The following MYCBPAP variants were observed in gnomAD, a reference collection of about 807,000 sequenced individuals.
MYCBPAP encodes MYCBP-associated protein.
Under a neutral mutation model 106.1 loss-of-function variants are expected in MYCBPAP, and 60 were observed. The ratio of observed to expected loss-of-function variants is 0.57; its 90% confidence interval spans 0.46 to 0.70. The LOEUF (loss-of-function observed/expected upper bound fraction) is 0.70. Ranked by LOEUF, MYCBPAP falls within the 30% of genes least tolerant of loss-of-function variation. MYCBPAP has a pLI of 0.00. For synonymous variants in MYCBPAP, 407 were observed against 440.6 expected (o/e 0.92, Z 0.95); for missense variants, 1,064 against 1,169.3 (o/e 0.91, Z 1.31).
intron 12 of MYCBPAP, 81 bp downstream of exon 12, chr17:50,523,865 A>G: frequency 7.3e-7 from 1 of 1,360,604 alleles, no homozygotes; most frequent in Non-Finnish European, 1.0e-6. Flanking sequence ...TGAAGGGATC[A>G]TATTTCTCCC....
chr17:50,528,858 C>T lies in MYCBPAP; in HGVS notation c.2553+18C>T. The T allele has an allele frequency of 6.2e-7, 1 of 1,610,438 alleles. No homozygotes were observed. Among genetic ancestry groups the T allele is most frequent in the Non-Finnish European group, 8.5e-7 (1 of 1,179,198 alleles). On this transcript the variant is annotated intron_variant, in intron 17 of 18. Coordinates refer to ENST00000323776, the MANE Select transcript of MYCBPAP (RefSeq NM_032133.6). ...GGAAAGAGGCATGCTGGGGCGTGGT[C>T]TGGGCCAGGTGGGGCTGGGGAGGGG...
At chr17:50,513,783 A>T (rs1271122443) in intron 1 of MYCBPAP, among the ~76,000 whole-genome samples, 1 of 152,218 alleles carries the variant, frequency 6.6e-6, no homozygotes, top group Non-Finnish European at 1.5e-5. Flanking sequence ...ACAAAAACAG[A>T]CCTTCAGCTG....
chr17:50,527,860 G>A (rs771946071), intron 15 of MYCBPAP, among the ~76,000 whole-genome samples: 2 of 152,190 alleles, frequency 1.3e-5, no homozygotes, highest in African/African-American at 2.4e-5. Flanking sequence ...CCTCCAGTGC[G>A]ACTGGACCCA....
At chr17:50,519,881 G>C (rs2143946191) in intron 7 of MYCBPAP, 94 bp downstream of exon 7, 1 of 1,382,568 alleles carries the variant, frequency 7.2e-7, no homozygotes, top group East Asian at 2.5e-5. Context: ...CAGTGAAACA[G>C]GCCCAGGGCC....
At chr17:50,530,733 T>C (rs528628556) in intron 18 of MYCBPAP, among the ~76,000 whole-genome samples, 28 of 151,868 alleles carry the variant, frequency 1.8e-4, no homozygotes, top group African/African-American at 1.7e-4. Context: ...GGAAGGAAAA[T>C]TGGCCTCCAG....
chr17:50,519,198 G>GA (rs1391067506), intron 6 of MYCBPAP, 109 bp downstream of exon 6: 5 of 731,550 alleles, frequency 6.8e-6, no homozygotes, highest in East Asian at 2.7e-5. Flanking sequence ...CAGCTGGGGA[G>GA]AAAAAACCTA....
At chr17:50,529,239 C>T in intron 18 of MYCBPAP, 51 bp downstream of exon 18, 3 of 1,542,540 alleles carry the variant, frequency 1.9e-6, no homozygotes, top group South Asian at 1.2e-5. Context: ...CTGCCTTATT[C>T]ATTCCGTTCA....
At chr17:50,525,226 G>A in intron 13 of MYCBPAP, 1 of 570,332 alleles carries the variant, frequency 1.8e-6, no homozygotes, top group African/African-American at 1.9e-5. Context: ...GATGGAAATT[G>A]TACACTCCTT....
rs200682370 is a variant in MYCBPAP at position 50,518,749 on chromosome 17, G to T, written c.652+25G>T. ...GGTGAGCAGAGCAGACAGGGCTCCC[G>T]CCCGGCCTCCATCTGGCAGCAAGGC... is the stretch of plus-strand genomic sequence containing the variant. On this transcript the variant is annotated intron_variant, in intron 5 of 18. Coordinates refer to ENST00000323776, the MANE Select transcript of MYCBPAP (RefSeq NM_032133.6). The T allele has an allele frequency of 1.7e-5, 27 of 1,553,698 alleles. No homozygotes were observed. In the South Asian group the frequency reaches 2.5e-4, roughly 14 times the overall value.
rs2034447490 is a variant in MYCBPAP, at chr17:50,526,062, C to T, written c.1964C>T (p.Thr655Ile). ...LPRFRSPISETQVPRPENEAL... is the reference protein window; with the variant it reads ...LPRFRSPISEIQVPRPENEAL... ...CGCTTTAGGAGCCCCATCTCCGAAA[C>T]TCAAGTGCCCCGGCCTGAGAACGAG... Residue 655 changes from threonine (T) to isoleucine (I), a missense_variant, in exon 14 of 19, where the codon ACT becomes ATT. Transcript: ENST00000323776. The T allele has an allele frequency of 6.2e-7, 1 of 1,613,832 alleles. No homozygotes were observed. The highest frequency in any genetic ancestry group is 1.3e-5 in the African/African-American group (1 of 74,920).
At position 50,524,916 on chromosome 17, in the gene MYCBPAP, G is replaced by A. The variant is rs147290915; in HGVS notation, c.1675G>A (p.Glu559Lys). The change falls in exon 13 of 19, where the codon GAA (glutamate) becomes AAA (lysine). Residue 559 changes from glutamate to lysine, a missense_variant. Physicochemically the swap from Glu to Lys is moderately conservative, Grantham distance 56. Transcript: ENST00000323776. ...CCATGAGGCAGTCACCGTCGTTCGCGAAGTGCTGCAGGAGCTGCTGATGGG... is the reference window on the plus strand; with the variant it reads ...CCATGAGGCAGTCACCGTCGTTCGCAAAGTGCTGCAGGAGCTGCTGATGGG... ...TAHEAVTVVR[E>K]VLQELLMGVL... 1.1e-5 allele frequency: 17 copies of A among 1,613,940 alleles called. 1 individual carries two copies. Among genetic ancestry groups the A allele is most frequent in the South Asian group, 8.8e-5 (8 of 91,092 alleles).
intron 6 of MYCBPAP, 148 bp downstream of exon 6, chr17:50,519,237 A>G (rs2034168815): frequency 1.6e-6 from 1 of 623,008 alleles, no homozygotes; most frequent in Non-Finnish European, 2.9e-6. Flanking sequence ...TAGGCCCTCA[A>G]GGCCTTTACT....
intron 15 of MYCBPAP, 46 bp downstream of exon 15, chr17:50,527,454 G>T (rs765499958): frequency 6.2e-7 from 1 of 1,609,278 alleles, no homozygotes; most frequent in Non-Finnish European, 8.5e-7. Flanking sequence ...TCCCTTTGTG[G>T]CATCTGCAGG....
intron 18 of MYCBPAP, among the ~76,000 whole-genome samples, chr17:50,531,094 G>A (rs948515959): frequency 6.0e-5 from 9 of 151,232 alleles, no homozygotes; most frequent in Non-Finnish European, 1.0e-4. Flanking sequence ...CAAGGCTGCA[G>A]TGAGCCATGA....
chr17:50,525,624 C>T (rs1158602961), intron 13 of MYCBPAP, among the ~76,000 whole-genome samples: 3 of 149,244 alleles, frequency 2.0e-5, no homozygotes, highest in Non-Finnish European at 3.0e-5. Flanking sequence ...GTAGCTAGGA[C>T]TACAGGCATA....
At position 50,522,182 on chromosome 17, in the gene MYCBPAP, G is replaced by A. The variant is rs531857680; in HGVS notation, c.1257+101G>A. On this transcript the variant is annotated intron_variant, in intron 10 of 18. Transcript: ENST00000323776. Reference sequence around the variant, plus strand: ...GCAGCCTGCACAGTCTCCTGTTTGGGTTTTTATCTGGTCGTGCATTCAGCA... The same window carrying A: ...GCAGCCTGCACAGTCTCCTGTTTGGATTTTTATCTGGTCGTGCATTCAGCA... 1.4e-4 allele frequency: 122 copies of A among 879,038 alleles called. No individual in the cohort carries two copies. In the African/African-American group the frequency reaches 1.9e-3, roughly 13 times the overall value. 54.5% of individuals were successfully genotyped at this position (879,038 alleles called of 1,614,324 possible).
In MYCBPAP at chr17:50,522,030, G is replaced by A. The variant is rs1304624110; in HGVS notation, c.1206G>A (p.Leu402=). 3 of 1,613,940 alleles carry A rather than the reference G, an allele frequency of 1.9e-6. No homozygotes were observed. Among genetic ancestry groups the A allele is most frequent in the African/African-American group, 1.3e-5 (1 of 74,940 alleles). The change falls in exon 10 of 19, where the codon CTG becomes CTA. Residue 402 remains leucine, a synonymous_variant. Coordinates refer to ENST00000323776, the MANE Select transcript of MYCBPAP (RefSeq NM_032133.6). ...VSMPILGPSL[L]FCGKPACWIR... The stretch of plus-strand genomic sequence containing the variant: ...TGCCTATTCTCGGCCCTTCTCTGCT[G>A]TTCTGTGGGAAGCCAGCTTGCTGGA...
In MYCBPAP at chr17:50,517,222, C is replaced by A. The variant is rs925937665; in HGVS notation, c.205-71C>A. 2.3e-5 allele frequency: 33 copies of A among 1,427,146 alleles called. No individual in the cohort carries two copies. The Middle Eastern group carries it at 5.2e-4, about 23-fold the overall frequency. 88.4% of individuals were successfully genotyped at this position (1,427,146 alleles called of 1,614,324 possible). A position where few individuals can be genotyped will look rare whatever the true frequency, so the allele number is the denominator to read the frequency against. On this transcript the variant is annotated intron_variant, in intron 2 of 18. Coordinates refer to ENST00000323776, the MANE Select transcript of MYCBPAP (RefSeq NM_032133.6). ...TCAGGAACTCCACCCAGAACTAGAA[C>A]AGAAGAGATGGGTGGTGCTCTTCCT...
At position 50,510,499 on chromosome 17, in the gene MYCBPAP, G is replaced by GTGTATGTATGTATGTATATATA. The variant is rs1418345705; in HGVS notation, c.76+1750_76+1751insGTATGTATGTATGTATATATAT. On this transcript the variant is annotated intron_variant, in intron 1 of 18. Transcript: ENST00000323776. ...TGTGTGTGTGTGTGTGTGTGTGTGT[G>GTGTATGTATGTATGTATATATA]TATATATATATATATATATATATAT... 8 of 76,414 alleles carry GTGTATGTATGTATGTATATATA rather than the reference G, an allele frequency of 1.0e-4. 1 individual carries two copies. The highest frequency in any genetic ancestry group is 3.2e-4 in the African/African-American group (7 of 21,820). 4.7% of individuals were successfully genotyped at this position (76,414 alleles called of 1,614,324 possible).
Sources: allele counts gnomAD v4.1 joint callset (sites outside exome capture counted in the v4.1 genomes callset), GRCh38; gene constraint gnomAD v4.1.1; transcripts MANE v1.5; gene names NCBI Gene and HGNC (gene_info 2026-07-23, HGNC 2026-07-21).